The following TBL1XR1 variants were observed in gnomAD, a reference collection of about 807,000 sequenced individuals.
TBL1XR1 encodes the protein TBL1X/Y related 1, also known as F-box-like/WD repeat-containing protein TBL1XR1.
Under a neutral mutation model 66.9 loss-of-function variants are expected in TBL1XR1, and 5 were observed. That is an observed-to-expected ratio of 0.07 (90% CI 0.04 to 0.16). The LOEUF (loss-of-function observed/expected upper bound fraction) is 0.16, where lower values mean the gene tolerates loss of function less well. Among genes scored for constraint, TBL1XR1 ranks in the 10% least tolerant of loss-of-function variants. The pLI is 1.00. For missense variants in TBL1XR1, 238 were observed against 623.2 expected, an observed-to-expected ratio of 0.38 and a Z score of 6.58; for synonymous variants, 210 against 206.0, an observed-to-expected ratio of 1.02 and a Z score of -0.17.
At chr3:177,151,358 C>G (rs1326459351) in intron 1 of TBL1XR1, among the ~76,000 whole-genome samples, 1 of 152,236 alleles carries the variant, frequency 6.6e-6, no homozygotes, top group African/African-American at 2.4e-5. Flanking sequence ...CAACCCCCGG[C>G]TGCAGCTGTG....
chr3:177,150,450 A>G (rs1730751575), intron 1 of TBL1XR1, among the ~76,000 whole-genome samples: 1 of 152,196 alleles, frequency 6.6e-6, no homozygotes, highest in Non-Finnish European at 1.5e-5. Flanking sequence ...AAATCCAGAG[A>G]CCAAAAGCTA....
At chr3:177,184,472 A>C (rs746965767) in intron 1 of TBL1XR1, among the ~76,000 whole-genome samples, 1 of 152,148 alleles carries the variant, frequency 6.6e-6, no homozygotes, top group Non-Finnish European at 1.5e-5. Context: ...TTTGCACTAA[A>C]TTATTTTCTA....
intron 1 of TBL1XR1, among the ~76,000 whole-genome samples, chr3:177,189,776 A>G (rs944691173): frequency 6.6e-6 from 1 of 152,178 alleles, no homozygotes. Flanking sequence ...TGGTTAAGAG[A>G]CATTCTTCTG....
chr3:177,118,786 TGTC>T (rs914601094), intron 1 of TBL1XR1, among the ~76,000 whole-genome samples: 37 of 151,718 alleles, frequency 2.4e-4, no homozygotes, highest in African/African-American at 8.7e-4. Context: ...ATATGGCAAG[TGTC>T]GTATTTTGTC....
chr3:177,054,079 C>T lies in TBL1XR1; in HGVS notation c.59-161G>A, dbSNP rs1184567197. ...GTGTGTGTGTGTGTGTGTGTGCGCG[C>T]GCGTGTGTGTGCATGTAAACATGTC... On this transcript the variant is annotated intron_variant, in intron 3 of 15. Coordinates refer to ENST00000457928, the MANE Select transcript of TBL1XR1 (RefSeq NM_024665.7). Among the ~76,000 whole-genome samples, 6 of 149,574 alleles carry T rather than the reference C, an allele frequency of 4.0e-5. No homozygotes were observed. The South Asian group carries it at 8.4e-4, about 21-fold the overall frequency.
chr3:177,177,850 G>A (rs1734339665), intron 1 of TBL1XR1, among the ~76,000 whole-genome samples: 1 of 152,032 alleles, frequency 6.6e-6, no homozygotes, highest in South Asian at 2.1e-4. Context: ...CTGTTCTCAT[G>A]CAGTTTAAAT....
intron 1 of TBL1XR1, among the ~76,000 whole-genome samples, chr3:177,139,290 G>A: frequency 6.6e-6 from 1 of 152,228 alleles, no homozygotes. Flanking sequence ...GGGAGGCCGA[G>A]GCAGGCAGAT....
At chr3:177,116,313 T>G (rs1298074018) in intron 1 of TBL1XR1, among the ~76,000 whole-genome samples, 6 of 152,156 alleles carry the variant, frequency 3.9e-5, no homozygotes, top group Non-Finnish European at 8.8e-5. Flanking sequence ...TGGCGCCACT[T>G]TCACCCAACT....
chr3:177,093,928 C>A (rs1455278041), intron 2 of TBL1XR1, among the ~76,000 whole-genome samples: 2 of 152,104 alleles, frequency 1.3e-5, no homozygotes, highest in African/African-American at 2.4e-5. Flanking sequence ...GACTTCATGA[C>A]CAAGAACCCC....
At chr3:177,065,252 A>T (rs1052495285) in intron 2 of TBL1XR1, among the ~76,000 whole-genome samples, 16 of 152,238 alleles carry the variant, frequency 1.1e-4, no homozygotes, top group African/African-American at 3.9e-4. Flanking sequence ...AAAATAAAAC[A>T]AAATTTTTTA....
intron 1 of TBL1XR1, among the ~76,000 whole-genome samples, chr3:177,163,159 G>C (rs1732422957): frequency 6.6e-6 from 1 of 152,070 alleles, no homozygotes; most frequent in South Asian, 2.1e-4. Flanking sequence ...TCAATGAAGG[G>C]ACCGGTTAAA....
chr3:177,185,779 G>A (rs1468649995), intron 1 of TBL1XR1, among the ~76,000 whole-genome samples: 2 of 152,104 alleles, frequency 1.3e-5, no homozygotes, highest in African/African-American at 4.8e-5. Flanking sequence ...GGAGGCAGGA[G>A]GACTGCTTGA....
intron 1 of TBL1XR1, among the ~76,000 whole-genome samples, chr3:177,102,107 G>A (rs73039648): frequency 0.023 from 3,464 of 151,918 alleles, 147 homozygotes; most frequent in African/African-American, 0.079. Flanking sequence ...CTAACTTTTC[G>A]GTCATCAGTG....
chr3:177,080,159 C>A (rs1721220287), intron 2 of TBL1XR1, among the ~76,000 whole-genome samples: 1 of 152,148 alleles, frequency 6.6e-6, no homozygotes, highest in South Asian at 2.1e-4. Flanking sequence ...AAAGGACATA[C>A]ACAAAATTTT....
At chr3:177,135,350 T>C (rs1251044675) in intron 1 of TBL1XR1, among the ~76,000 whole-genome samples, 1,312 of 22,512 alleles carry the variant, frequency 0.058, 36 homozygotes, top group Admixed American at 0.1. Flanking sequence ...TATATATATA[T>C]ATATATATAT....
Position 177,046,130 on chromosome 3 carries a change from T to C in TBL1XR1, c.924A>G (p.Ser308=). The change falls in exon 10 of 16, where the codon TCA becomes TCG. Residue 308 remains serine, a splice_region_variant and synonymous_variant. Transcript: ENST00000457928. ...TCACGTAAATTATAAGAAATTTACC[T>C]GAATGAAAAGGAAACTGTTGCTTGG... ...GEAKQQFPFH[S]APALDVDWQS... 2.0e-6 allele frequency: 3 copies of C among 1,535,862 alleles called. 1 individual carries two copies. In the South Asian group the frequency reaches 3.8e-5, roughly 19 times the overall value.
chr3:177,096,684 G>C (rs1723537057), intron 2 of TBL1XR1, among the ~76,000 whole-genome samples: 2 of 152,150 alleles, frequency 1.3e-5, no homozygotes, highest in Admixed American at 1.3e-4. Flanking sequence ...GCCAAGAGCA[G>C]ATACTCCAAA....
rs768431229 is a variant in TBL1XR1 at position 177,033,151 on chromosome 3, A to G, written c.1251-15T>C. On this transcript the variant is annotated splice_polypyrimidine_tract_variant and intron_variant, in intron 13 of 15. Transcript: ENST00000457928. The stretch of plus-strand genomic sequence containing the variant: ...CAAAGGATGCACTGAAAAAGGAAGG[A>G]AAGAAAGTTAATTTATAAGTAAGGA... The G allele has an allele frequency of 3.3e-6, 5 of 1,505,084 alleles. No individual in the cohort carries two copies. Among genetic ancestry groups the G allele is most frequent in the Admixed American group, 2.0e-5 (1 of 49,518 alleles). 93.2% of individuals were successfully genotyped at this position (1,505,084 alleles called of 1,614,324 possible).
intron 4 of TBL1XR1, among the ~76,000 whole-genome samples, chr3:177,052,825 TG>T (rs1717278989): frequency 1.3e-5 from 2 of 152,146 alleles, no homozygotes; most frequent in African/African-American, 4.8e-5. Flanking sequence ...TAAACTAGGC[TG>T]GGCGTGGTGG....
Sources: allele counts gnomAD v4.1 joint callset (sites outside exome capture counted in the v4.1 genomes callset), GRCh38; gene constraint gnomAD v4.1.1; transcripts MANE v1.5; gene names NCBI Gene and HGNC (gene_info 2026-07-23, HGNC 2026-07-21).